Variants in RBFOX1 observed in about 807,000 individuals in gnomAD.
RBFOX1 encodes the protein RNA binding protein fox-1 homolog 1.
RBFOX1 carries 8 observed loss-of-function variants against 57.7 expected under a neutral mutation model. The ratio of observed to expected loss-of-function variants is 0.14; its 90% CI spans 0.08 to 0.25. The LOEUF is 0.25. Among genes scored for constraint, RBFOX1 ranks in the 10% least tolerant of loss-of-function variants. RBFOX1 has a pLI of 1.00. For synonymous variants in RBFOX1, 326 were observed against 222.4 expected (o/e 1.47, Z -4.15); for missense variants, 611 against 548.5 (o/e 1.11, Z -1.14).
intron 2 of RBFOX1, among the ~76,000 whole-genome samples, chr16:6,339,147 G>T (rs977161797): frequency 1.3e-5 from 2 of 152,198 alleles, no homozygotes; most frequent in Non-Finnish European, 2.9e-5. Context: ...AATACTTACT[G>T]TATGCCAGGC....
At chr16:7,681,311 G>A (rs34555654) in intron 14 of RBFOX1, among the ~76,000 whole-genome samples, 1 of 151,946 alleles carries the variant, frequency 6.6e-6, no homozygotes, top group Non-Finnish European at 1.5e-5. Context: ...GCAAGGAAGG[G>A]ACCATCTTTC....
At chr16:7,452,611 C>G (rs774915743) in intron 4 of RBFOX1, among the ~76,000 whole-genome samples, 2 of 152,120 alleles carry the variant, frequency 1.3e-5, no homozygotes, top group African/African-American at 4.8e-5. Flanking sequence ...TGAAATGTAT[C>G]AGGCACTTGC....
chr16:7,493,603 T>G (rs111636199), intron 4 of RBFOX1, among the ~76,000 whole-genome samples: 1 of 150,154 alleles, frequency 6.7e-6, no homozygotes, highest in Admixed American at 6.7e-5. Flanking sequence ...AGGAAGAAAA[T>G]GTAATAACAG....
chr16:5,396,188 C>T lies in RBFOX1; in HGVS notation c.220-71028C>T, dbSNP rs967475193. Among the ~76,000 whole-genome samples, 3 of 152,170 alleles carry T rather than the reference C, an allele frequency of 2.0e-5. No homozygotes were observed. The South Asian group carries it at 6.2e-4, about 32-fold the overall frequency. ...TTAATACTTATGCTAAATAGGTAAT[C>T]CTCTTTGCAATGGTTACGTGAAACA... On this transcript the variant is annotated intron_variant, in intron 1 of 2. Coordinates refer to the RBFOX1 transcript ENST00000585867.
At chr16:7,146,722 A>C (rs974924352) in intron 4 of RBFOX1, among the ~76,000 whole-genome samples, 10 of 151,870 alleles carry the variant, frequency 6.6e-5, no homozygotes, top group Non-Finnish European at 1.2e-4. Context: ...GCTGAGGCAG[A>C]CAGATCACTT....
At chr16:5,613,359 A>G (rs2047894611) in intron 3 of RBFOX1, among the ~76,000 whole-genome samples, 2 of 152,118 alleles carry the variant, frequency 1.3e-5, no homozygotes, top group East Asian at 1.9e-4. Context: ...AGGGAGGGTA[A>G]GTAGACATAT....
intron 14 of RBFOX1, among the ~76,000 whole-genome samples, chr16:7,678,770 T>A (rs1009205862): frequency 6.6e-6 from 1 of 152,190 alleles, no homozygotes; most frequent in African/African-American, 2.4e-5. Flanking sequence ...ATTTTTAAAT[T>A]TCTGCATTTT....
At chr16:5,283,640 C>G (rs566807576) in intron 1 of RBFOX1, among the ~76,000 whole-genome samples, 1 of 152,308 alleles carries the variant, frequency 6.6e-6, no homozygotes, top group African/African-American at 2.4e-5. Flanking sequence ...TACTGCCGCA[C>G]TGGATTTTGG....
intron 2 of RBFOX1, among the ~76,000 whole-genome samples, chr16:6,484,486 C>T (rs1281187913): frequency 2.0e-5 from 3 of 152,118 alleles, no homozygotes; most frequent in Non-Finnish European, 4.4e-5. Flanking sequence ...TTGCCTTCTT[C>T]TGAGATCAAA....
At chr16:7,087,767 A>G (rs2060212609) in intron 4 of RBFOX1, among the ~76,000 whole-genome samples, 2 of 152,190 alleles carry the variant, frequency 1.3e-5, no homozygotes. Flanking sequence ...CACTGCTTTC[A>G]GTTTTTCTTC....
rs1019039574 is a variant in RBFOX1 at position 5,812,063 on chromosome 16, C to T, written c.319-55240C>T. On this transcript the variant is annotated intron_variant, in intron 3 of 19. Coordinates refer to the RBFOX1 transcript ENST00000641259. ...AGAACGTAGTCTTTTGCACCTGGCT[C>T]CTTTGGCTTACTGTAATGGTTTTCA... Among the ~76,000 whole-genome samples, 20 of 152,282 alleles carry T rather than the reference C, an allele frequency of 1.3e-4. 1 individual carries two copies. Among genetic ancestry groups the T allele is most frequent in the Middle Eastern group, 3.4e-3 (1 of 294 alleles).
At chr16:7,148,987 T>C (rs1470850189) in intron 4 of RBFOX1, among the ~76,000 whole-genome samples, 1 of 152,190 alleles carries the variant, frequency 6.6e-6, no homozygotes, top group Non-Finnish European at 1.5e-5. Flanking sequence ...GCCATAGTAT[T>C]TTGCTTCTTT....
At chr16:5,627,471 G>A (rs746330009) in intron 3 of RBFOX1, among the ~76,000 whole-genome samples, 1 of 152,086 alleles carries the variant, frequency 6.6e-6, no homozygotes, top group Non-Finnish European at 1.5e-5. Context: ...GTAAAGGATA[G>A]AAAATGCTAT....
At chr16:6,214,136 C>T (rs1279140355) in intron 1 of RBFOX1, among the ~76,000 whole-genome samples, 1 of 152,154 alleles carries the variant, frequency 6.6e-6, no homozygotes, top group Non-Finnish European at 1.5e-5. Context: ...ATGAGACAAA[C>T]CCGTTGTCAT....
At chr16:7,217,530 C>G (rs990060201) in intron 4 of RBFOX1, among the ~76,000 whole-genome samples, 1 of 151,976 alleles carries the variant, frequency 6.6e-6, no homozygotes, top group Non-Finnish European at 1.5e-5. Context: ...CTCTTGACTT[C>G]CAACCCCTCG....
intron 4 of RBFOX1, among the ~76,000 whole-genome samples, chr16:7,075,730 G>T (rs1337205596): frequency 6.6e-6 from 1 of 151,962 alleles, no homozygotes; most frequent in Non-Finnish European, 1.5e-5. Flanking sequence ...ACAGGTGCCT[G>T]CCACCACGCT....
chr16:6,977,723 G>A (rs2087442973), intron 3 of RBFOX1, among the ~76,000 whole-genome samples: 1 of 151,982 alleles, frequency 6.6e-6, no homozygotes, highest in Non-Finnish European at 1.5e-5. Context: ...TGAAATTGTG[G>A]GTGGAGGAAG....
intron 3 of RBFOX1, among the ~76,000 whole-genome samples, chr16:6,992,855 G>T (rs898762790): frequency 1.2e-5 from 1 of 85,682 alleles, no homozygotes; most frequent in Middle Eastern, 6.0e-3. Context: ...AAAAAAAAAA[G>T]ATTTGTGATA....
chr16:5,973,101 G>T (rs1200020225), intron 4 of RBFOX1, among the ~76,000 whole-genome samples: 1 of 152,198 alleles, frequency 6.6e-6, no homozygotes, highest in Non-Finnish European at 1.5e-5. Flanking sequence ...CTGCTGTAAA[G>T]AGACAGAGCT....
Sources: gnomAD v4.1 joint callset for allele counts (sites outside exome capture counted in the v4.1 genomes callset) on GRCh38, gnomAD v4.1.1 for gene constraint, MANE v1.5 for transcripts, NCBI Gene and HGNC (gene_info 2026-07-23, HGNC 2026-07-21) for gene names.